PCNX1: variants seen among roughly 807,000 people sequenced by gnomAD.
PCNX1 encodes pecanex-like protein 1.
A neutral mutation model predicts 242.2 loss-of-function variants in PCNX1; 78 were observed. That is an observed-to-expected ratio of 0.32 (90% CI 0.27 to 0.39). The LOEUF (loss-of-function observed/expected upper bound fraction) is 0.39, where lower values mean the gene tolerates loss of function less well. Among genes scored for constraint, PCNX1 ranks in the 10% least tolerant of loss-of-function variants. The pLI, the probability that PCNX1 is intolerant of heterozygous loss-of-function variation, is 1.00. For missense variants in PCNX1, 2,581 were observed against 2,856.5 expected (o/e 0.90, Z 2.20); for synonymous variants, 1,024 against 1,032.9 (o/e 0.99, Z 0.17).
At chr14:71,043,814 G>C (rs1256633686) in intron 19 of PCNX1, among the ~76,000 whole-genome samples, 1 of 151,878 alleles carries the variant, frequency 6.6e-6, no homozygotes, top group Non-Finnish European at 1.5e-5. Flanking sequence ...TTCTTTTTCA[G>C]ACAATTCATA....
At chr14:71,074,728 A>C (rs1478207336) in intron 27 of PCNX1, among the ~76,000 whole-genome samples, 1 of 152,156 alleles carries the variant, frequency 6.6e-6, no homozygotes, top group Non-Finnish European at 1.5e-5. Context: ...CTCCAGCTGA[A>C]CAAAGACTCT....
At chr14:71,005,434 G>A (rs2059626759) in intron 8 of PCNX1, among the ~76,000 whole-genome samples, 1 of 151,822 alleles carries the variant, frequency 6.6e-6, no homozygotes, top group African/African-American at 2.4e-5. Flanking sequence ...CTGGAACCTA[G>A]GAGTTTGAGA....
intron 1 of PCNX1, among the ~76,000 whole-genome samples, chr14:70,946,399 C>T (rs899330732): frequency 3.3e-5 from 5 of 152,276 alleles, no homozygotes; most frequent in Non-Finnish European, 5.9e-5. Context: ...ACCTTGATTT[C>T]TTCACATATA....
chr14:71,007,323 T>A (rs1244704634), intron 8 of PCNX1, among the ~76,000 whole-genome samples: 5 of 152,106 alleles, frequency 3.3e-5, no homozygotes, highest in Non-Finnish European at 5.9e-5. Context: ...CTGTTTCATT[T>A]GAAAATTACA....
chr14:71,057,380 G>A, intron 25 of PCNX1, 129 bp from the exon 26 acceptor site: 1 of 632,512 alleles, frequency 1.6e-6, no homozygotes. Flanking sequence ...AAACTGTAAG[G>A]GTATGAATGT....
intron 3 of PCNX1, among the ~76,000 whole-genome samples, chr14:70,962,808 T>A (rs960386096): frequency 6.6e-6 from 1 of 152,252 alleles, no homozygotes; most frequent in African/African-American, 2.4e-5. Context: ...ATGGTAACTC[T>A]TGAAGTTTTA....
chr14:71,003,080 C>CCTTTTTTTTTTTTTTTTTT (rs2059552444), intron 8 of PCNX1, among the ~76,000 whole-genome samples: 7 of 95,470 alleles, frequency 7.3e-5, no homozygotes, highest in African/African-American at 3.3e-4. Context: ...TGGTTGTCTT[C>CCTTTTTTTTTTTTTTTTTT]TTTTTTTTTT....
intron 18 of PCNX1, among the ~76,000 whole-genome samples, chr14:71,034,747 C>T (rs1056643220): frequency 2.0e-5 from 3 of 152,132 alleles, no homozygotes; most frequent in Non-Finnish European, 4.4e-5. Context: ...GACCTGTTCA[C>T]ATATTTTTTT....
At chr14:70,973,810 A>T (rs893123736) in intron 5 of PCNX1, among the ~76,000 whole-genome samples, 2 of 152,012 alleles carry the variant, frequency 1.3e-5, no homozygotes, top group Non-Finnish European at 2.9e-5. Flanking sequence ...AAAAATTTAG[A>T]CCTCTGCCAC....
intron 1 of PCNX1, among the ~76,000 whole-genome samples, chr14:70,932,478 T>C (rs1036622967): frequency 3.9e-5 from 6 of 152,136 alleles, no homozygotes; most frequent in African/African-American, 1.4e-4. Flanking sequence ...CATGTTTGTA[T>C]CTATTTTTAA....
At chr14:71,027,459 T>G (rs1022525143) in intron 15 of PCNX1, among the ~76,000 whole-genome samples, 1 of 151,996 alleles carries the variant, frequency 6.6e-6, no homozygotes, top group Non-Finnish European at 1.5e-5. Context: ...GATAATGGTT[T>G]GTAGAACTTG....
intron 1 of PCNX1, among the ~76,000 whole-genome samples, chr14:70,916,117 C>T (rs902501890): frequency 2.6e-5 from 4 of 152,114 alleles, no homozygotes; most frequent in African/African-American, 9.7e-5. Context: ...GGAGATCCCC[C>T]AAATGTGACA....
rs1566822826 is a variant in PCNX1, at chr14:71,114,904, T to TATCTA, written c.*4970_*4974dup. On this transcript the variant is annotated 3_prime_UTR_variant, in exon 36 of 36. Transcript: ENST00000304743. Reference sequence around the variant, plus strand: ...GTACTTGTGATTGAACAAGATTTTTTATCTATGAAGCTTGATTCTACAACC... The same window carrying TATCTA: ...GTACTTGTGATTGAACAAGATTTTTTATCTAATCTATGAAGCTTGATTCTACAACC... The TATCTA allele has an allele frequency of 7.3e-6, 1 of 137,014 alleles. No homozygotes were observed. The highest frequency in any genetic ancestry group is 2.6e-5 in the African/African-American group (1 of 38,206). The allele number at this position is 137,014 out of a possible 1,614,324, so 8.5% of individuals were successfully genotyped here.
At chr14:71,035,192 A>G (rs898759160) in intron 18 of PCNX1, among the ~76,000 whole-genome samples, 2 of 152,172 alleles carry the variant, frequency 1.3e-5, no homozygotes, top group African/African-American at 4.8e-5. Flanking sequence ...ACTGCACTCC[A>G]GCCTGGGCAA....
intron 6 of PCNX1, among the ~76,000 whole-genome samples, chr14:70,987,822 A>G (rs898494660): frequency 7.2e-5 from 11 of 152,210 alleles, no homozygotes; most frequent in African/African-American, 2.7e-4. Flanking sequence ...ACAATAAAGT[A>G]CAAACATTTT....
At chr14:70,916,570 C>T (rs761033599) in intron 1 of PCNX1, among the ~76,000 whole-genome samples, 1 of 152,152 alleles carries the variant, frequency 6.6e-6, no homozygotes, top group Non-Finnish European at 1.5e-5. Context: ...ATGCTGTAGT[C>T]TGTTAAGTGT....
At chr14:70,985,388 A>T (rs1412392828) in intron 6 of PCNX1, among the ~76,000 whole-genome samples, 1 of 151,860 alleles carries the variant, frequency 6.6e-6, no homozygotes, top group African/African-American at 2.4e-5. Flanking sequence ...TAATTTTTGT[A>T]TTTTTAGTAG....
intron 8 of PCNX1, among the ~76,000 whole-genome samples, chr14:71,003,080 CTTTTTTTTTTTT>C (rs3083307): frequency 7.3e-5 from 7 of 95,474 alleles, no homozygotes; most frequent in African/African-American, 1.4e-4. Context: ...TGGTTGTCTT[CTTTTTTTTTTTT>C]TTTTTTTTGA....
At chr14:71,054,671 G>A (rs900038374) in intron 24 of PCNX1, among the ~76,000 whole-genome samples, 52 of 152,236 alleles carry the variant, frequency 3.4e-4, no homozygotes, top group African/African-American at 1.2e-3. Context: ...AGCTAGTTCA[G>A]CTCGGAGTTC....
Sources: allele counts gnomAD v4.1 joint callset (sites outside exome capture counted in the v4.1 genomes callset), GRCh38; gene constraint gnomAD v4.1.1; transcripts MANE v1.5; gene names NCBI Gene and HGNC (gene_info 2026-07-23, HGNC 2026-07-21).